The following CLIC5 variants were observed in gnomAD, a reference collection of about 807,000 sequenced individuals.
CLIC5 encodes CLIC family member 5, also known as chloride intracellular channel protein 5.
In CLIC5, 20 loss-of-function variants were observed where a neutral mutation model predicts 24.7. That is an observed-to-expected ratio of 0.81 (90% CI 0.57 to 1.18). CLIC5 has a LOEUF of 1.18. Ranked by LOEUF, CLIC5 falls within the 50% of genes most tolerant of loss-of-function variation. The probability of loss-of-function intolerance (pLI) is 0.00; values close to 1 mark genes in which losing one functional copy is unlikely to be tolerated. For synonymous variants in CLIC5, 159 were observed against 135.6 expected, an observed-to-expected ratio of 1.17 and a Z score of -1.20; for missense variants, 341 against 326.1, an observed-to-expected ratio of 1.05 and a Z score of -0.35.
At chr6:46,036,677 A>G (rs1767671732) in intron 1 of CLIC5, among the ~76,000 whole-genome samples, 1 of 152,220 alleles carries the variant, frequency 6.6e-6, no homozygotes, top group Non-Finnish European at 1.5e-5. Context: ...GTGTATACAT[A>G]GTGCTGGAAA....
chr6:46,079,882 C>A, exon 1 of CLIC5: 1 of 1,552,066 alleles, frequency 6.4e-7, no homozygotes, highest in South Asian at 1.2e-5. Flanking sequence ...AGTTCTGCTG[C>A]GCAGAGTTGC....
intron 1 of CLIC5, among the ~76,000 whole-genome samples, chr6:45,959,783 C>A (rs1027148990): frequency 3.3e-5 from 5 of 152,220 alleles, no homozygotes; most frequent in Non-Finnish European, 7.3e-5. Flanking sequence ...AACCATCAGA[C>A]TTTGGAATGC....
At chr6:45,896,444 G>T (rs542473419), downstream of CLIC5, among the ~76,000 whole-genome samples, 1 of 152,168 alleles carries the variant, frequency 6.6e-6, no homozygotes, top group African/African-American at 2.4e-5. Flanking sequence ...CTTGCTCAAG[G>T]GCACATGGTA....
intron 1 of CLIC5, among the ~76,000 whole-genome samples, chr6:45,957,714 G>A (rs1449470861): frequency 4.6e-5 from 7 of 152,162 alleles, no homozygotes; most frequent in East Asian, 1.9e-4. Flanking sequence ...AGAAATATGC[G>A]AGGATGCTAC....
chr6:46,013,141 G>A (rs906543150), intron 1 of CLIC5, among the ~76,000 whole-genome samples: 3 of 152,192 alleles, frequency 2.0e-5, no homozygotes, highest in Non-Finnish European at 2.9e-5. Context: ...AGGGGGTGTT[G>A]AAAATGACCA....
chr6:45,949,294 C>T lies in CLIC5; in HGVS notation c.261G>A (p.Lys87=), dbSNP rs1764390083. The T allele has an allele frequency of 6.2e-7, 1 of 1,613,836 alleles. No homozygotes were observed. The highest frequency in any genetic ancestry group is 1.3e-5 in the African/African-American group (1 of 74,918). ...FNGDVKTDVN[K]IEEFLEETLT... Reference sequence around the variant, plus strand: ...AGGTCTCCTCCAGGAACTCCTCGATCTTATTGACGTCTGTCTTCACGTCCC... The same window carrying T: ...AGGTCTCCTCCAGGAACTCCTCGATTTTATTGACGTCTGTCTTCACGTCCC... Residue 87 remains lysine, a synonymous_variant, in exon 3 of 6, where the codon AAG becomes AAA. Transcript: ENST00000339561.
At chr6:46,007,021 T>C in intron 1 of CLIC5, among the ~76,000 whole-genome samples, 1 of 152,174 alleles carries the variant, frequency 6.6e-6, no homozygotes, top group South Asian at 2.1e-4. Flanking sequence ...TTCTTCTCCA[T>C]GCTCCCTCCT....
chr6:46,109,291 C>G, the CLIC5 span, among the ~76,000 whole-genome samples: 1 of 152,046 alleles, frequency 6.6e-6, no homozygotes, highest in African/African-American at 2.4e-5. Flanking sequence ...ATTTAACACT[C>G]TTGAATACAG....
intron 1 of CLIC5, among the ~76,000 whole-genome samples, chr6:45,957,479 G>T (rs1309408541): frequency 6.6e-6 from 1 of 152,090 alleles, no homozygotes; most frequent in Non-Finnish European, 1.5e-5. Context: ...TGAGCTGCAT[G>T]CCTGGAGCCA....
At chr6:46,105,746 C>T in the CLIC5 span, among the ~76,000 whole-genome samples, 1 of 152,120 alleles carries the variant, frequency 6.6e-6, no homozygotes, top group Admixed American at 6.5e-5. Context: ...ATCTCTTTGG[C>T]CTTGGGGATG....
At chr6:45,950,375 A>G (rs1764430092) in intron 2 of CLIC5, among the ~76,000 whole-genome samples, 2 of 151,664 alleles carry the variant, frequency 1.3e-5, no homozygotes, top group South Asian at 4.2e-4. Context: ...AGCCTGGGCA[A>G]CATAGCAAGA....
At chr6:46,056,995 A>T (rs745414736) in intron 1 of CLIC5, among the ~76,000 whole-genome samples, 1 of 152,206 alleles carries the variant, frequency 6.6e-6, no homozygotes, top group Non-Finnish European at 1.5e-5. Flanking sequence ...GCTGGGTACC[A>T]TGCATATCTC....
chr6:46,010,482 G>A (rs550014019), intron 1 of CLIC5, among the ~76,000 whole-genome samples: 3 of 152,264 alleles, frequency 2.0e-5, no homozygotes, highest in African/African-American at 7.2e-5. Context: ...CACATCTCTT[G>A]CCACCACTAA....
intron 2 of CLIC5, among the ~76,000 whole-genome samples, chr6:45,954,303 A>C (rs1173472944): frequency 1.3e-5 from 2 of 151,864 alleles, no homozygotes; most frequent in Non-Finnish European, 2.9e-5. Context: ...AAAGAAAAGA[A>C]AATAGAAGAA....
At chr6:46,013,051 A>G (rs778205902) in intron 1 of CLIC5, among the ~76,000 whole-genome samples, 3 of 152,208 alleles carry the variant, frequency 2.0e-5, no homozygotes, top group Non-Finnish European at 4.4e-5. Flanking sequence ...TTACAATTAC[A>G]TGTCATTGTG....
At chr6:46,047,869 T>C (rs1268537145) in intron 1 of CLIC5, among the ~76,000 whole-genome samples, 1 of 152,232 alleles carries the variant, frequency 6.6e-6, no homozygotes, top group African/African-American at 2.4e-5. Context: ...TACAGGTATA[T>C]GTTATCCACA....
At chr6:45,888,289 G>T (rs534935618) in intron 6 of CLIC5, among the ~76,000 whole-genome samples, 1 of 152,298 alleles carries the variant, frequency 6.6e-6, no homozygotes, top group East Asian at 1.9e-4. Flanking sequence ...TTTACCTAAT[G>T]TTGGATCTAT....
chr6:46,099,893 C>T, the CLIC5 span, among the ~76,000 whole-genome samples: 1 of 151,790 alleles, frequency 6.6e-6, no homozygotes, highest in Non-Finnish European at 1.5e-5. Context: ...AGTATTTTGT[C>T]CATGGAGGCT....
chr6:46,087,618 C>T, the CLIC5 span, among the ~76,000 whole-genome samples: 117 of 152,240 alleles, frequency 7.7e-4, 1 homozygote, highest in Non-Finnish European at 1.1e-3. Flanking sequence ...CCCCTCTCTG[C>T]GGACTCCATC....
Sources: gnomAD v4.1 joint callset for allele counts (sites outside exome capture counted in the v4.1 genomes callset) on GRCh38, gnomAD v4.1.1 for gene constraint, MANE v1.5 for transcripts, NCBI Gene and HGNC (gene_info 2026-07-23, HGNC 2026-07-21) for gene names.